The following DST variants were observed in gnomAD, a reference collection of about 807,000 sequenced individuals.
The protein encoded by DST is bullous pemphigoid antigen.
DST carries 253 observed loss-of-function variants against 875.2 expected under a neutral mutation model. The ratio of observed to expected loss-of-function variants is 0.29; its 90% CI spans 0.26 to 0.32. The LOEUF (loss-of-function observed/expected upper bound fraction) is 0.32, where lower values mean the gene tolerates loss of function less well. Ranked by LOEUF, DST falls within the 10% of genes least tolerant of loss-of-function variation. DST has a pLI of 1.00. For missense variants in DST, 8,287 were observed against 9,111.6 expected (o/e 0.91, Z 3.68); for synonymous variants, 3,124 against 3,197.1 (o/e 0.98, Z 0.77).
chr6:56,700,060 C>T (rs879604086), intron 8 of DST, among the ~76,000 whole-genome samples: 2 of 152,314 alleles, frequency 1.3e-5, no homozygotes, highest in Non-Finnish European at 1.5e-5. Flanking sequence ...GGAAGCATTA[C>T]CACCTGAGCT....
chr6:56,911,194 G>T (rs1220745470), intron 2 of DST, among the ~76,000 whole-genome samples: 3 of 152,200 alleles, frequency 2.0e-5, no homozygotes, highest in South Asian at 2.1e-4. Context: ...TGCAAGGGAG[G>T]AAGGGAAGGA....
In DST at chr6:56,676,934, A is replaced by C. The variant is rs547777089; in HGVS notation, c.1048-6127T>G. ...TATCGGTCAAAGGATGCAAAATTTC[A>C]GTTAAGAGGAATAAATTTCTCTTAC... is the stretch of plus-strand genomic sequence containing the variant. On this transcript the variant is annotated intron_variant, in intron 9 of 103. Transcript: ENST00000680361. Among the ~76,000 whole-genome samples, 235 of 152,296 alleles carry C rather than the reference A, an allele frequency of 1.5e-3. 2 individuals are homozygous for C. Among genetic ancestry groups the C allele is most frequent in the Middle Eastern group, 6.8e-3 (2 of 294 alleles).
chr6:56,629,658 C>T (rs2098761248), intron 31 of DST, among the ~76,000 whole-genome samples: 1 of 152,092 alleles, frequency 6.6e-6, no homozygotes, highest in Admixed American at 6.5e-5. Flanking sequence ...TTATAACGTT[C>T]AGCCTAATAA....
chr6:56,732,662 C>T (rs1472898877), intron 5 of DST, among the ~76,000 whole-genome samples: 1 of 152,162 alleles, frequency 6.6e-6, no homozygotes, highest in African/African-American at 2.4e-5. Flanking sequence ...TAAAAATTGA[C>T]CACGCCAGTA....
At chr6:56,532,553 G>C (rs973711010) in intron 63 of DST, 43 bp from the exon 64 acceptor site, 2 of 1,503,308 alleles carry the variant, frequency 1.3e-6, no homozygotes, top group African/African-American at 1.4e-5. Context: ...GGGAATAATT[G>C]TATGAATATA....
chr6:56,861,641 G>T (rs1475047621), intron 3 of DST, among the ~76,000 whole-genome samples: 1 of 152,176 alleles, frequency 6.6e-6, no homozygotes, highest in Admixed American at 6.5e-5. Context: ...CTTTCCTGAG[G>T]TGATCTGGAC....
In DST at chr6:56,457,997, T is replaced by G. The variant is rs1156695879; in HGVS notation, c.*1008A>C. The G allele has an allele frequency of 6.6e-6, 1 of 152,544 alleles. No individual in the cohort carries two copies. The highest frequency in any genetic ancestry group is 1.5e-5 in the Non-Finnish European group (1 of 68,006). 9.4% of individuals were successfully genotyped at this position (152,544 alleles called of 1,614,324 possible). ...TTAAATAATCAGGTATTCCATATATTCAAGTGAATATGTTTTATTAAATGC... is the reference window on the plus strand; with the variant it reads ...TTAAATAATCAGGTATTCCATATATGCAAGTGAATATGTTTTATTAAATGC... On this transcript the variant is annotated 3_prime_UTR_variant, in exon 104 of 104. Coordinates refer to ENST00000680361, the MANE Select transcript of DST (RefSeq NM_001374736.1).
At chr6:56,548,879 AAC>A (rs1472447077) in intron 61 of DST, among the ~76,000 whole-genome samples, 1 of 152,252 alleles carries the variant, frequency 6.6e-6, no homozygotes, top group Non-Finnish European at 1.5e-5. Context: ...CAAGCTAACT[AAC>A]ACAAAAGATA....
chr6:56,589,531 C>T (rs2098230184), intron 49 of DST, among the ~76,000 whole-genome samples: 1 of 152,200 alleles, frequency 6.6e-6, no homozygotes, highest in Admixed American at 6.5e-5. Context: ...AGTCTATACA[C>T]TTCTGGGCAT....
intron 2 of DST, among the ~76,000 whole-genome samples, chr6:56,946,840 G>A (rs868551823): frequency 1.3e-5 from 2 of 152,260 alleles, no homozygotes; most frequent in East Asian, 1.9e-4. Flanking sequence ...TTTAAAGGAA[G>A]AAGTTGAAAA....
chr6:56,522,159 T>G (rs2096719479), intron 69 of DST, among the ~76,000 whole-genome samples: 1 of 152,154 alleles, frequency 6.6e-6, no homozygotes, highest in Non-Finnish European at 1.5e-5. Context: ...GCCAGCATCC[T>G]ACTGAGCACA....
At chr6:56,625,494 C>T (rs957452130) in intron 34 of DST, among the ~76,000 whole-genome samples, 2 of 151,948 alleles carry the variant, frequency 1.3e-5, no homozygotes, top group Non-Finnish European at 2.9e-5. Context: ...TGATGGTAGC[C>T]CCATAAAATT....
In DST at chr6:56,611,510, G is replaced by A. The variant is rs374134272; in HGVS notation, c.5145C>T (p.Asp1715=). 94 of 1,605,822 alleles carry A rather than the reference G, an allele frequency of 5.9e-5. No homozygotes were observed. Among genetic ancestry groups the A allele is most frequent in the Middle Eastern group, 1.7e-4 (1 of 6,060 alleles). Residue 1715 remains aspartate (D), a splice_region_variant and synonymous_variant, in exon 38 of 104, where the codon GAC becomes GAT. Transcript: ENST00000680361. ...TIQLFLAKHG[D]KMTDEERNEL... ...AGAGCTAACTACAACCAACATACTT[G>A]TCTCCATGTTTTGCCAAAAAAAGCT...
chr6:56,903,335 G>T (rs1037709681), intron 2 of DST, among the ~76,000 whole-genome samples: 3 of 152,184 alleles, frequency 2.0e-5, no homozygotes, highest in African/African-American at 4.8e-5. Context: ...AAATGACAGA[G>T]ATTAAAACAT....
At position 56,529,678 on chromosome 6, in the gene DST, C is replaced by A; in HGVS notation, c.17365G>T (p.Asp5789Tyr). Residue 5789 changes from aspartate to tyrosine, a missense_variant, in exon 66 of 104, where the codon GAT (aspartate) becomes TAT (tyrosine). Around this residue, in one of 10 missense-constraint regions of DST, gnomAD observed 777 missense variants for 764.8 expected, o/e 1.02. Coordinates refer to ENST00000680361, the MANE Select transcript of DST (RefSeq NM_001374736.1). ...AAGTCTAATTTACTCTGCACCATAT[C>A]TTTATCCTCCCTGGAGCTCAAAACC... ...LKVLSSREDKDMVQSKLDFSQ... is the reference protein window; with the variant it reads ...LKVLSSREDKYMVQSKLDFSQ... The A allele has an allele frequency of 6.2e-7, 1 of 1,613,712 alleles. No individual in the cohort carries two copies. The highest frequency in any genetic ancestry group is 8.5e-7 in the Non-Finnish European group (1 of 1,179,764).
At chr6:56,791,838 T>A (rs1346812959) in intron 4 of DST, among the ~76,000 whole-genome samples, 2 of 151,470 alleles carry the variant, frequency 1.3e-5, no homozygotes, top group African/African-American at 4.8e-5. Context: ...ATTTCCTAGA[T>A]ATTCCTATTG....
rs1315360218 is a variant in DST, at chr6:56,610,408, T to C, written c.5283+19A>G. 1 of 1,524,764 alleles carries C rather than the reference T, an allele frequency of 6.6e-7. No homozygotes were observed. The highest frequency in any genetic ancestry group is 2.2e-5 in the Admixed American group (1 of 45,422). 94.5% of individuals were successfully genotyped at this position (1,524,764 alleles called of 1,614,324 possible). On this transcript the variant is annotated intron_variant, in intron 39 of 103. Transcript: ENST00000680361. ...CTAAGCTTCTTGAAACAGCCTCATG[T>C]TTAAATAAATAATATTACCTTCTCC...
chr6:56,762,390 G>A (rs550721186), intron 4 of DST, among the ~76,000 whole-genome samples: 6 of 152,184 alleles, frequency 3.9e-5, no homozygotes, highest in Middle Eastern at 3.4e-3. Flanking sequence ...ACTTGCCTTC[G>A]CCCAGGCCCA....
intron 22 of DST, among the ~76,000 whole-genome samples, chr6:56,638,113 T>G (rs2098844118): frequency 6.6e-6 from 1 of 152,146 alleles, no homozygotes; most frequent in African/African-American, 2.4e-5. Flanking sequence ...TTTTATTAAT[T>G]AAATTATAAT....
Sources: gnomAD v4.1 joint callset for allele counts (sites outside exome capture counted in the v4.1 genomes callset) on GRCh38, gnomAD v4.1.1 for gene constraint, gnomAD v4.1.1 regional missense constraint, MANE v1.5 for transcripts, NCBI Gene and HGNC (gene_info 2026-07-23, HGNC 2026-07-21) for gene names.